The following ASXL2 variants were observed in gnomAD, a reference collection of about 807,000 sequenced individuals.
The protein encoded by ASXL2 is ASXL transcriptional regulator 2.
In ASXL2, 23 loss-of-function variants were observed where a neutral mutation model predicts 122.0. The ratio of observed to expected loss-of-function variants is 0.19; its 90% CI spans 0.14 to 0.27. The LOEUF is 0.27. Ranked by LOEUF, ASXL2 falls within the 10% of genes least tolerant of loss-of-function variation. ASXL2 has a pLI of 1.00. For missense variants in ASXL2, 1,518 were observed against 1,713.8 expected (o/e 0.89, Z 2.02); for synonymous variants, 650 against 637.0 (o/e 1.02, Z -0.31).
chr2:25,805,972 T>G (rs1056204239), intron 4 of ASXL2, among the ~76,000 whole-genome samples: 1 of 152,208 alleles, frequency 6.6e-6, no homozygotes, highest in South Asian at 2.1e-4. Flanking sequence ...CCACCACGCC[T>G]GGCCATAAGT....
chr2:25,827,806 C>A (rs56152010), intron 3 of ASXL2, among the ~76,000 whole-genome samples: 1 of 152,052 alleles, frequency 6.6e-6, no homozygotes, highest in African/African-American at 2.4e-5. Context: ...TCTAGGTCAA[C>A]AGAGCAGCAG....
chr2:25,843,335 T>C (rs949809786), intron 2 of ASXL2, among the ~76,000 whole-genome samples: 3 of 150,494 alleles, frequency 2.0e-5, no homozygotes, highest in Non-Finnish European at 4.4e-5. Context: ...GACGGGGTTT[T>C]ACCATGTTGC....
At chr2:25,767,759 G>T in intron 7 of ASXL2, 33 bp from the exon 8 acceptor site, 1 of 1,609,916 alleles carries the variant, frequency 6.2e-7, no homozygotes, top group Non-Finnish European at 8.5e-7. Context: ...AAGACTGGTA[G>T]CACTGAGATT....
chr2:25,845,360 G>A, intron 2 of ASXL2, 121 bp downstream of exon 2: 1 of 1,373,116 alleles, frequency 7.3e-7, no homozygotes, highest in South Asian at 1.3e-5. Context: ...TCTGACATCT[G>A]ATCAGAACAA....
intron 1 of ASXL2, among the ~76,000 whole-genome samples, chr2:25,866,532 A>G (rs1319080197): frequency 6.6e-6 from 1 of 151,410 alleles, no homozygotes; most frequent in Non-Finnish European, 1.5e-5. Context: ...TTTGTCATTT[A>G]CTACCTTTTA....
At position 25,807,437 on chromosome 2, in the gene ASXL2, C is replaced by A. The variant is rs116113149; in HGVS notation, c.144-1100G>T. On this transcript the variant is annotated intron_variant, in intron 3 of 12. Transcript: ENST00000435504. ...CCCCCAAAACATTGGTGAATAATAA[C>A]AAAGGAAAGAAAAGCCTTTTGCAGA... Among the ~76,000 whole-genome samples, 382 of 152,254 alleles carry A rather than the reference C, an allele frequency of 2.5e-3. 3 individuals carry two copies. The highest frequency in any genetic ancestry group is 8.8e-3 in the African/African-American group (365 of 41,552).
intron 2 of ASXL2, among the ~76,000 whole-genome samples, chr2:25,842,731 T>C (rs1296641592): frequency 2.0e-5 from 3 of 151,300 alleles, no homozygotes; most frequent in African/African-American, 4.9e-5. Context: ...TAGATGTATA[T>C]ATCTATATAT....
Position 25,878,304 on chromosome 2 carries a change from C to T in ASXL2, c.-82G>A. On this transcript the variant is annotated 5_prime_UTR_variant, in exon 1 of 13. Transcript: ENST00000435504. ...GCCTGCTCTGCCCTGCGCTGCTTTT[C>T]CCGCGGTGCCGGGAAAGGTGGGAGA... 3 of 1,477,256 alleles carry T rather than the reference C, an allele frequency of 2.0e-6. No homozygotes were observed. Among genetic ancestry groups the T allele is most frequent in the Non-Finnish European group, 1.9e-6 (2 of 1,067,946 alleles). 91.5% of individuals were successfully genotyped at this position (1,477,256 alleles called of 1,614,324 possible).
rs76973440 is a variant in ASXL2 at position 25,854,103 on chromosome 2, T to A, written c.58-8540A>T. 9.3e-4 allele frequency among the ~76,000 whole-genome samples: 141 copies of A among 152,260 alleles called. 1 individual carries two copies. Among genetic ancestry groups the A allele is most frequent in the African/African-American group, 3.3e-3 (137 of 41,556 alleles). ...GACATTGTAAGCTCATGGGCATAGTTTACCTAGGGGTCCCTCAATTCTGAA... is the reference window on the plus strand; with the variant it reads ...GACATTGTAAGCTCATGGGCATAGTATACCTAGGGGTCCCTCAATTCTGAA... On this transcript the variant is annotated intron_variant, in intron 1 of 12. Transcript: ENST00000435504.
At chr2:25,836,071 G>A (rs888982685) in intron 2 of ASXL2, among the ~76,000 whole-genome samples, 2 of 152,094 alleles carry the variant, frequency 1.3e-5, no homozygotes, top group Non-Finnish European at 2.9e-5. Context: ...ATCCCTACCA[G>A]GTTTGTGGGC....
chr2:25,773,491 C>A (rs954989015), intron 5 of ASXL2, among the ~76,000 whole-genome samples: 1 of 151,818 alleles, frequency 6.6e-6, no homozygotes, highest in Non-Finnish European at 1.5e-5. Context: ...CGGTGAAACC[C>A]CATCTCTACT....
chr2:25,866,875 G>A (rs1280891010), intron 1 of ASXL2, among the ~76,000 whole-genome samples: 1 of 151,906 alleles, frequency 6.6e-6, no homozygotes, highest in Non-Finnish European at 1.5e-5. Flanking sequence ...TGGGATTACA[G>A]GCACGCGCCA....
At position 25,744,291 on chromosome 2, in the gene ASXL2, T is replaced by G; in HGVS notation, c.2046A>C (p.Ala682=). Residue 682 remains alanine (A), a synonymous_variant, in exon 13 of 13, where the codon GCA becomes GCC. Coordinates refer to ENST00000435504, the MANE Select transcript of ASXL2 (RefSeq NM_018263.6). The surrounding 1 kb of genome is among the most constrained non-coding windows in gnomAD (Gnocchi z 4.7). ...AAAAAAAAAA[A]AASVGGTIPG... ...GAATGGTCCCTCCAACTGAGGCGGC[T>G]GCAGCAGCTGCGGCGGCAGCGGCAG... 1 of 1,611,396 alleles carries G rather than the reference T, an allele frequency of 6.2e-7. No individual in the cohort carries two copies. Among genetic ancestry groups the G allele is most frequent in the Middle Eastern group, 1.7e-4 (1 of 6,046 alleles).
intron 3 of ASXL2, among the ~76,000 whole-genome samples, chr2:25,818,140 T>A (rs2089259720): frequency 6.6e-6 from 1 of 152,238 alleles, no homozygotes; most frequent in Non-Finnish European, 1.5e-5. Flanking sequence ...TATGATAGAA[T>A]GGCTCACCTG....
intron 9 of ASXL2, among the ~76,000 whole-genome samples, chr2:25,757,652 G>C (rs2088159307): frequency 8.3e-6 from 1 of 120,962 alleles, no homozygotes. Flanking sequence ...TCCAGCTCAG[G>C]CGACAGAGGG....
rs764182016 is a variant in ASXL2 at position 25,742,944 on chromosome 2, G to A, written c.3393C>T (p.Tyr1131=). The A allele has an allele frequency of 1.1e-5, 17 of 1,613,872 alleles. No homozygotes were observed. The highest frequency in any genetic ancestry group is 6.7e-5 in the African/African-American group (5 of 74,928). Residue 1131 remains tyrosine, a synonymous_variant, in exon 13 of 13, where the codon TAC becomes TAT. Coordinates refer to ENST00000435504, the MANE Select transcript of ASXL2 (RefSeq NM_018263.6). ...TCCTAAAGCTCTCTGAGCCCCGGCC[G>A]TAGGTAGAAATATTCAGTAAGTAGT... The part of the protein sequence containing the change: ...AGHYLLNIST[Y]GRGSESFRRT...
intron 4 of ASXL2, among the ~76,000 whole-genome samples, chr2:25,803,370 T>G (rs2089029199): frequency 6.6e-6 from 1 of 152,296 alleles, no homozygotes; most frequent in Middle Eastern, 3.4e-3. Context: ...TCTAGCAAAT[T>G]AATCAAACCC....
chr2:25,744,044 G>A lies in ASXL2; in HGVS notation c.2293C>T (p.Pro765Ser). 1 of 1,614,028 alleles carries A rather than the reference G, an allele frequency of 6.2e-7. No individual in the cohort carries two copies. Among genetic ancestry groups the A allele is most frequent in the Non-Finnish European group, 8.5e-7 (1 of 1,179,888 alleles). ...ETKTTPSQAQ[P>S]HSVSGAQLQQ... ...AGTTGTGCTCCAGAGACACTATGAG[G>A]CTGTGCCTGGCTTGGGGTGGTCTTG... Residue 765 changes from proline to serine, a missense_variant, in exon 13 of 13, where the codon CCT (proline) becomes TCT (serine). Pro to Ser is a moderately conservative substitution (Grantham distance 74). Coordinates refer to ENST00000435504, the MANE Select transcript of ASXL2 (RefSeq NM_018263.6). The surrounding 1 kb of genome is among the most constrained non-coding windows in gnomAD (Gnocchi z 4.7).
At chr2:25,820,175 G>A (rs905207412) in intron 3 of ASXL2, among the ~76,000 whole-genome samples, 2 of 152,018 alleles carry the variant, frequency 1.3e-5, no homozygotes, top group African/African-American at 4.8e-5. Context: ...CTCAGCTCCC[G>A]AAGTGCTGAG....
Sources: allele counts gnomAD v4.1 joint callset (sites outside exome capture counted in the v4.1 genomes callset), GRCh38; gene constraint gnomAD v4.1.1; non-coding constraint Gnocchi (gnomAD v3.1); transcripts MANE v1.5; gene names NCBI Gene and HGNC (gene_info 2026-07-23, HGNC 2026-07-21).